Variants in CDC42SE2 observed in about 807,000 individuals in gnomAD.
The protein encoded by CDC42SE2 is CDC42 small effector protein 2.
Under a neutral mutation model 11.5 loss-of-function variants are expected in CDC42SE2, and 3 were observed. The ratio of observed to expected loss-of-function variants is 0.26; its 90% CI spans 0.12 to 0.67. The LOEUF (loss-of-function observed/expected upper bound fraction) is 0.67. CDC42SE2 is among the 30% of genes least tolerant of loss of function. CDC42SE2 has a pLI of 0.80. For synonymous variants in CDC42SE2, 33 were observed against 34.8 expected (o/e 0.95, Z 0.18); for missense variants, 82 against 106.8 (o/e 0.77, Z 1.02).
intron 4 of CDC42SE2, among the ~76,000 whole-genome samples, chr5:131,386,469 A>C (rs1290173538): frequency 3.3e-5 from 5 of 152,374 alleles, no homozygotes; most frequent in African/African-American, 1.2e-4. Flanking sequence ...GAATTTTCAC[A>C]TATCCCTTTA....
At chr5:131,328,032 A>G (rs1267521973) in intron 2 of CDC42SE2, among the ~76,000 whole-genome samples, 1 of 152,166 alleles carries the variant, frequency 6.6e-6, no homozygotes, top group East Asian at 1.9e-4. Flanking sequence ...GAGAGAGAGA[A>G]CATGAGTGAG....
chr5:131,301,714 C>T (rs1205340183), intron 1 of CDC42SE2, among the ~76,000 whole-genome samples: 1 of 150,564 alleles, frequency 6.6e-6, no homozygotes, highest in Non-Finnish European at 1.5e-5. Context: ...GCCAAGATCA[C>T]GCCACTGCAC....
chr5:131,354,020 A>G (rs810078), intron 2 of CDC42SE2, among the ~76,000 whole-genome samples: 128,207 of 152,158 alleles, frequency 0.84, 54,579 homozygotes, highest in African/African-American at 0.95. Context: ...CAGGCAGATT[A>G]CTTGAGCCCA....
upstream of CDC42SE2, chr5:131,263,530 T>G (rs553659866): frequency 2.0e-5 from 3 of 152,348 alleles, no homozygotes; most frequent in East Asian, 5.8e-4. Context: ...AGTTAATGAC[T>G]GATTGAACGA....
chr5:131,339,738 A>T (rs1339244231), intron 2 of CDC42SE2, among the ~76,000 whole-genome samples: 1 of 151,218 alleles, frequency 6.6e-6, no homozygotes, highest in Non-Finnish European at 1.5e-5. Flanking sequence ...TGAACCCAGG[A>T]GGTGGAGGTT....
chr5:131,367,289 T>G (rs938661652), intron 3 of CDC42SE2, among the ~76,000 whole-genome samples: 2 of 152,096 alleles, frequency 1.3e-5, no homozygotes, highest in Admixed American at 1.3e-4. Context: ...TTTTTTCTGT[T>G]ACAAACTGCT....
intron 1 of CDC42SE2, among the ~76,000 whole-genome samples, chr5:131,251,034 CTTTTAAAAATTTCATTAA>C (rs2149683134): frequency 6.6e-6 from 1 of 152,168 alleles, no homozygotes; most frequent in South Asian, 2.1e-4. Flanking sequence ...CCTAAAACTG[CTTTTAAAAATTTCATTAA>C]TTTTAAATTT....
chr5:131,266,436 T>C (rs1483619943), intron 1 of CDC42SE2, among the ~76,000 whole-genome samples: 1 of 151,824 alleles, frequency 6.6e-6, no homozygotes, highest in Non-Finnish European at 1.5e-5. Context: ...ATTTTGGACT[T>C]ACCGGCTATT....
chr5:131,242,729 G>A (rs972437768), upstream of CDC42SE2, among the ~76,000 whole-genome samples: 1 of 152,114 alleles, frequency 6.6e-6, no homozygotes, highest in Non-Finnish European at 1.5e-5. Flanking sequence ...AGGTTAGGTG[G>A]CTATGTTGGT....
At chr5:131,293,927 A>T (rs1056522926) in intron 1 of CDC42SE2, among the ~76,000 whole-genome samples, 33 of 152,220 alleles carry the variant, frequency 2.2e-4, no homozygotes, top group African/African-American at 8.0e-4. Flanking sequence ...TATAAAGGCA[A>T]CTGGGACAAA....
In CDC42SE2 at chr5:131,290,298, C is replaced by T. The variant is rs529733322; in HGVS notation, c.-454-25678C>T. On this transcript the variant is annotated intron_variant, in intron 1 of 4. Coordinates refer to ENST00000505065, the MANE Select transcript of CDC42SE2 (RefSeq NM_001375635.1). ...CTTAAAATTGTCTAGACCTGTGTAC[C>T]CCCTGGAAAGTATCAAACCTTATAC... is the stretch of plus-strand genomic sequence containing the variant. Among the ~76,000 whole-genome samples, 5 of 152,010 alleles carry T rather than the reference C, an allele frequency of 3.3e-5. No individual in the cohort carries two copies. The South Asian group carries it at 8.3e-4, about 25-fold the overall frequency.
intron 2 of CDC42SE2, among the ~76,000 whole-genome samples, chr5:131,335,870 A>T (rs1042856194): frequency 6.6e-5 from 10 of 152,156 alleles, no homozygotes; most frequent in Non-Finnish European, 1.5e-4. Flanking sequence ...TTCTCTGCAC[A>T]TGAGATGGGT....
chr5:131,260,972 T>A (rs1222431200), upstream of CDC42SE2, among the ~76,000 whole-genome samples: 1 of 152,232 alleles, frequency 6.6e-6, no homozygotes, highest in African/African-American at 2.4e-5. Flanking sequence ...AGTATACTTT[T>A]AGGGAAAATC....
intron 2 of CDC42SE2, among the ~76,000 whole-genome samples, chr5:131,257,069 G>T (rs1451366933): frequency 6.6e-6 from 1 of 152,108 alleles, no homozygotes; most frequent in Non-Finnish European, 1.5e-5. Context: ...AGTGACAGTG[G>T]CAGGGAACAT....
chr5:131,390,300 A>T (rs1400036565), intron 4 of CDC42SE2, among the ~76,000 whole-genome samples: 1 of 152,000 alleles, frequency 6.6e-6, no homozygotes, highest in Non-Finnish European at 1.5e-5. Flanking sequence ...ATTCATGCTT[A>T]TTTTCTTGGT....
At chr5:131,351,533 C>T (rs1234042996) in intron 2 of CDC42SE2, among the ~76,000 whole-genome samples, 3 of 152,048 alleles carry the variant, frequency 2.0e-5, no homozygotes, top group Non-Finnish European at 2.9e-5. Context: ...GGATTACAGG[C>T]GTGAGCCACC....
chr5:131,211,575 A>G, the CDC42SE2 span, among the ~76,000 whole-genome samples: 1 of 152,136 alleles, frequency 6.6e-6, no homozygotes. Context: ...TGTTAATTCT[A>G]TGAAGATACA....
intron 3 of CDC42SE2, among the ~76,000 whole-genome samples, chr5:131,372,537 C>A (rs185070368): frequency 1.3e-5 from 2 of 151,972 alleles, no homozygotes. Flanking sequence ...CACAGTGAAA[C>A]CCCGTCTCTA....
rs532227042 is a variant in CDC42SE2 at position 131,265,112 on chromosome 5, A to G, written c.-455+946A>G. Among the ~76,000 whole-genome samples, 38 of 152,320 alleles carry G rather than the reference A, an allele frequency of 2.5e-4. 1 individual carries two copies. Among genetic ancestry groups the G allele is most frequent in the African/African-American group, 8.9e-4 (37 of 41,568 alleles). Reference sequence around the variant, plus strand: ...ATGATTAAGGAAAGAATGTCGGCAAACAGTATGTATTTTTGATATACGTTT... The same window carrying G: ...ATGATTAAGGAAAGAATGTCGGCAAGCAGTATGTATTTTTGATATACGTTT... On this transcript the variant is annotated intron_variant, in intron 1 of 4. Transcript: ENST00000505065.
Sources: allele counts gnomAD v4.1 joint callset (sites outside exome capture counted in the v4.1 genomes callset), GRCh38; gene constraint gnomAD v4.1.1; transcripts MANE v1.5; gene names NCBI Gene and HGNC (gene_info 2026-07-23, HGNC 2026-07-21).